Variants in DHX16 observed in about 807,000 individuals in gnomAD.
DHX16 encodes pre-mRNA-splicing factor ATP-dependent RNA helicase DHX16.
DHX16 carries 81 observed loss-of-function variants against 131.2 expected under a neutral mutation model. The observed-to-expected ratio is 0.62, with a 90% CI of 0.52 to 0.74. The LOEUF (loss-of-function observed/expected upper bound fraction) is 0.74, where lower values mean the gene tolerates loss of function less well. Among genes scored for constraint, DHX16 ranks in the 30% least tolerant of loss-of-function variants. The pLI, the probability that DHX16 is intolerant of heterozygous loss-of-function variation, is 0.00. For synonymous variants in DHX16, 440 were observed against 520.2 expected, an observed-to-expected ratio of 0.85 and a Z score of 2.10; for missense variants, 980 against 1,363.1, an observed-to-expected ratio of 0.72 and a Z score of 4.43.
chr6:30,672,621 AC>A lies in DHX16; in HGVS notation c.207+13del, dbSNP rs1259419310. The A allele has an allele frequency of 6.2e-7, 1 of 1,601,022 alleles. No individual in the cohort carries two copies. The highest frequency in any genetic ancestry group is 1.3e-5 in the African/African-American group (1 of 74,502). Reference sequence around the variant, plus strand: ...GGGACAAATCACAGGGCCCCTCCCCACCCCTGCCGACACCTTGTTCCAGAGT... The same window carrying A: ...GGGACAAATCACAGGGCCCCTCCCCACCCTGCCGACACCTTGTTCCAGAGT... On this transcript the variant is annotated intron_variant, in intron 1 of 19. Transcript: ENST00000376442.
rs750127702 is a variant in DHX16 at position 30,664,871 on chromosome 6, TG to T, written c.1246del (p.Gln416LysfsTer31). ...EELLAAIANH[Q>X]VLIIEGETGS... ...TGTCTCGCCTTCAATGATGAGGACT[TG>T]GTGATTTGCAATAGCAGCCAGGAGC... On this transcript the variant is annotated frameshift_variant, in exon 7 of 20. Coordinates refer to ENST00000376442, the MANE Select transcript of DHX16 (RefSeq NM_003587.5). LOFTEE classifies it high-confidence loss of function. 6 of 1,613,130 alleles carry T rather than the reference TG, an allele frequency of 3.7e-6. No individual in the cohort carries two copies. In the Admixed American group the frequency reaches 5.0e-5, roughly 13 times the overall value.
intron 4 of DHX16, among the ~76,000 whole-genome samples, chr6:30,668,721 T>A (rs904029107): frequency 1.3e-5 from 2 of 152,094 alleles, no homozygotes; most frequent in Non-Finnish European, 2.9e-5. Flanking sequence ...CACTGAGATG[T>A]CCCAGAAGCC....
chr6:30,664,061 T>G (rs1768775070), intron 7 of DHX16, among the ~76,000 whole-genome samples: 1 of 150,578 alleles, frequency 6.6e-6, no homozygotes, highest in East Asian at 2.0e-4. Flanking sequence ...GGCATGGTGG[T>G]GTGCACCTCC....
intron 7 of DHX16, among the ~76,000 whole-genome samples, chr6:30,664,203 G>A (rs1205480743): frequency 6.6e-6 from 1 of 151,250 alleles, no homozygotes; most frequent in Admixed American, 6.6e-5. Flanking sequence ...TAAGGCAGGG[G>A]CTAGGCACAG....
rs566741707 is a variant in DHX16 at position 30,658,810 on chromosome 6, C to T, written c.2007+662G>A. 3.9e-5 allele frequency among the ~76,000 whole-genome samples: 6 copies of T among 152,262 alleles called. No homozygotes were observed. In the East Asian group the frequency reaches 9.7e-4, roughly 25 times the overall value. On this transcript the variant is annotated intron_variant, in intron 12 of 19. Transcript: ENST00000376442. Reference sequence around the variant, plus strand: ...TTAGCCTTGTCTCCTACTCCTTCACCACATGAACCTCCCACTAAGCCTACT... The same window carrying T: ...TTAGCCTTGTCTCCTACTCCTTCACTACATGAACCTCCCACTAAGCCTACT...
chr6:30,669,679 C>T (rs933475526), intron 4 of DHX16, among the ~76,000 whole-genome samples: 5 of 146,134 alleles, frequency 3.4e-5, no homozygotes, highest in African/African-American at 1.3e-4. Flanking sequence ...GAGCCGAGAT[C>T]GCATCATTGC....
intron 1 of DHX16, among the ~76,000 whole-genome samples, chr6:30,671,885 G>T (rs1479399844): frequency 6.6e-6 from 1 of 150,960 alleles, no homozygotes; most frequent in Non-Finnish European, 1.5e-5. Context: ...GTTTCGCCAT[G>T]TTGCCCAGGC....
chr6:30,655,103 G>C, intron 18 of DHX16, 72 bp downstream of exon 18: 1 of 1,586,384 alleles, frequency 6.3e-7, no homozygotes, highest in Non-Finnish European at 8.6e-7. Context: ...AGGAAATGCT[G>C]CATGCCCCCA....
chr6:30,659,926 T>G, intron 10 of DHX16, 92 bp from the exon 11 acceptor site: 1 of 1,553,078 alleles, frequency 6.4e-7, no homozygotes, highest in South Asian at 1.1e-5. Flanking sequence ...TTTATCCTAG[T>G]TCCCCTTTGA....
At position 30,656,103 on chromosome 6, in the gene DHX16, T is replaced by C. The variant is rs990308884; in HGVS notation, c.2498+95A>G. The C allele has an allele frequency of 1.7e-6, 2 of 1,202,812 alleles. No individual in the cohort carries two copies. Among genetic ancestry groups the C allele is most frequent in the East Asian group, 2.3e-5 (1 of 43,070 alleles). 74.5% of individuals were successfully genotyped at this position (1,202,812 alleles called of 1,614,324 possible). A position where few individuals can be genotyped will look rare whatever the true frequency, so the allele number is the denominator to read the frequency against. ...CTTTATTATGTGTTAAGGGATAGTA[T>C]GATGAACAGAAAAAGACAGACAAAG... On this transcript the variant is annotated intron_variant, in intron 16 of 19. Coordinates refer to ENST00000376442, the MANE Select transcript of DHX16 (RefSeq NM_003587.5). This position sits in a 1 kb window ranked among gnomAD's most constrained non-coding sequence, Gnocchi z 5.1.
intron 1 of DHX16, among the ~76,000 whole-genome samples, chr6:30,671,483 G>C (rs1252583627): frequency 6.6e-6 from 1 of 152,132 alleles, no homozygotes; most frequent in African/African-American, 2.4e-5. Context: ...AAGTAGCTGA[G>C]ATTACAGGCA....
rs1767621554 is a variant in DHX16, at chr6:30,653,226, T to C, written c.*16A>G. On this transcript the variant is annotated 3_prime_UTR_variant, in exon 20 of 20. Transcript: ENST00000376442. ...AGGAAAAGGAGCTGGTGTCAGGTTC[T>C]GTTTACGTCCTTCTCTTACCCTAGC... 6.2e-7 allele frequency: 1 copy of C among 1,607,426 alleles called. No individual in the cohort carries two copies. Among genetic ancestry groups the C allele is most frequent in the Non-Finnish European group, 8.5e-7 (1 of 1,178,412 alleles).
In DHX16 at chr6:30,665,124, C is replaced by A; in HGVS notation, c.1072G>T (p.Glu358Ter). The A allele has an allele frequency of 6.2e-7, 1 of 1,614,066 alleles. No individual in the cohort carries two copies. Among genetic ancestry groups the A allele is most frequent in the Non-Finnish European group, 8.5e-7 (1 of 1,179,990 alleles). ...ACAAACTCAATGGTCTCCTCCTCCTCCAGCACCAGTTGATACTTGGGCTCC... is the reference window on the plus strand; with the variant it reads ...ACAAACTCAATGGTCTCCTCCTCCTACAGCACCAGTTGATACTTGGGCTCC... ...SQEPKYQLVL[E>*]EEETIEFVRA... Residue 358 changes from glutamate to a stop codon, truncating the protein, a stop_gained, in exon 6 of 20, where the codon GAG (glutamate) becomes TAG (stop). Transcript: ENST00000376442. LOFTEE classifies it high-confidence loss of function. This position sits in a 1 kb window ranked among gnomAD's most constrained non-coding sequence, Gnocchi z 4.8.
chr6:30,656,997 G>A lies in DHX16; in HGVS notation c.2103C>T (p.Asn701=). ...TGAGCGATTCCATGCCTGTGCGGGG[G>A]TTGTAGCTCTTCTGCTTACAGAACC... ...DPGFCKQKSY[N]PRTGMESLTV... is the part of the protein sequence containing the mutation. The change falls in exon 13 of 20, where the codon AAC becomes AAT. Residue 701 remains asparagine (N), a synonymous_variant. Coordinates refer to ENST00000376442, the MANE Select transcript of DHX16 (RefSeq NM_003587.5). This position sits in a 1 kb window ranked among gnomAD's most constrained non-coding sequence, Gnocchi z 5.1. 6.2e-7 allele frequency: 1 copy of A among 1,613,028 alleles called. No individual in the cohort carries two copies. The highest frequency in any genetic ancestry group is 8.5e-7 in the Non-Finnish European group (1 of 1,180,014).
chr6:30,671,840 G>T (rs919306610), intron 1 of DHX16, among the ~76,000 whole-genome samples: 6 of 150,874 alleles, frequency 4.0e-5, no homozygotes, highest in Admixed American at 2.6e-4. Context: ...ACACTACCAC[G>T]CTCAACTAAT....
At chr6:30,657,134 C>T in intron 12 of DHX16, 42 bp from the exon 13 acceptor site, 1 of 1,571,154 alleles carries the variant, frequency 6.4e-7, no homozygotes, top group Non-Finnish European at 8.6e-7. Flanking sequence ...CCCCACCTAC[C>T]TAGTTACCCA....
intron 4 of DHX16, among the ~76,000 whole-genome samples, chr6:30,669,794 T>C (rs1453860427): frequency 2.7e-5 from 4 of 147,844 alleles, no homozygotes; most frequent in African/African-American, 5.0e-5. Context: ...CAAAATTCTA[T>C]TGGGGTATTG....
In DHX16 at chr6:30,672,968, A is replaced by G; in HGVS notation, c.-127T>C. ...GCAAGTCAGCTACCTTGGGACCTCT[A>G]GGATCTTCCGACATCCCAAAGCTGT... On this transcript the variant is annotated 5_prime_UTR_variant, in exon 1 of 20. Coordinates refer to ENST00000376442, the MANE Select transcript of DHX16 (RefSeq NM_003587.5). 1.3e-6 allele frequency: 2 copies of G among 1,552,506 alleles called. No individual in the cohort carries two copies. The highest frequency in any genetic ancestry group is 1.7e-6 in the Non-Finnish European group (2 of 1,147,446).
rs112861682 is a variant in DHX16, at chr6:30,659,652, G to T, written c.1855-28C>A. On this transcript the variant is annotated intron_variant, in intron 11 of 19. Coordinates refer to ENST00000376442, the MANE Select transcript of DHX16 (RefSeq NM_003587.5). ...GGATAGAGGGTAGGGAGAGCAGCAG[G>T]GGTCCCAGAGTCACAGAAGGCCAAC... The T allele has an allele frequency of 3.7e-6, 6 of 1,613,546 alleles. No individual in the cohort carries two copies. The East Asian group carries it at 1.3e-4, about 36-fold the overall frequency.
Sources: gnomAD v4.1 joint callset for allele counts (sites outside exome capture counted in the v4.1 genomes callset) on GRCh38, gnomAD v4.1.1 for gene constraint, Gnocchi (gnomAD v3.1) non-coding constraint, MANE v1.5 for transcripts, NCBI Gene and HGNC (gene_info 2026-07-23, HGNC 2026-07-21) for gene names.